PRMT8: variants seen among roughly 807,000 people sequenced by gnomAD.
PRMT8 encodes the protein protein arginine N-methyltransferase 8.
In PRMT8, 7 loss-of-function variants were observed where a neutral mutation model predicts 47.1. That is an observed-to-expected ratio of 0.15 (90% CI 0.08 to 0.28). The LOEUF (loss-of-function observed/expected upper bound fraction) is 0.28. Among genes scored for constraint, PRMT8 ranks in the 10% least tolerant of loss-of-function variants. PRMT8 has a pLI of 1.00. For missense variants in PRMT8, 237 were observed against 505.4 expected, an observed-to-expected ratio of 0.47 and a Z score of 5.09; for synonymous variants, 188 against 186.5, an observed-to-expected ratio of 1.01 and a Z score of -0.07.
rs1175080901 is a variant in PRMT8 at position 3,576,233 on chromosome 12, A to C, written c.713-638A>C. Among the ~76,000 whole-genome samples, 1 of 152,182 alleles carries C rather than the reference A, an allele frequency of 6.6e-6. No individual in the cohort carries two copies. Among genetic ancestry groups the C allele is most frequent in the Non-Finnish European group, 1.5e-5 (1 of 68,024 alleles). On this transcript the variant is annotated intron_variant, in intron 6 of 9. Transcript: ENST00000382622. This position sits in a 1 kb window ranked among gnomAD's most constrained non-coding sequence, Gnocchi z 4.0. ...CCTTAGTGAGTGCATCTTGGCATAC[A>C]AGGAAGGCAGAGATGCTCCTGGACC...
chr12:3,581,031 C>T (rs1444151606), intron 7 of PRMT8, among the ~76,000 whole-genome samples: 1 of 152,170 alleles, frequency 6.6e-6, no homozygotes, highest in Non-Finnish European at 1.5e-5. Context: ...GGACCCCTCC[C>T]CTTGAGGGAT....
At chr12:3,553,570 G>C (rs1156944132) in intron 3 of PRMT8, 81 bp from the exon 4 acceptor site, 5 of 1,215,156 alleles carry the variant, frequency 4.1e-6, no homozygotes, top group Non-Finnish European at 6.1e-6. Context: ...CTGGGCCTCA[G>C]CGTCTCTATC....
At chr12:3,568,957 A>G in intron 5 of PRMT8, 109 bp downstream of exon 5, 3 of 1,436,988 alleles carry the variant, frequency 2.1e-6, no homozygotes, top group Non-Finnish European at 1.9e-6. Flanking sequence ...GACTGAGGCC[A>G]GGAGGTCACT....
At chr12:3,555,324 G>A (rs1866506442) in intron 4 of PRMT8, among the ~76,000 whole-genome samples, 1 of 152,218 alleles carries the variant, frequency 6.6e-6, no homozygotes. Context: ...GCAGGTCACA[G>A]TGAAGCTCAA....
intron 8 of PRMT8, among the ~76,000 whole-genome samples, chr12:3,584,423 T>C (rs1867128762): frequency 6.6e-6 from 1 of 152,172 alleles, no homozygotes; most frequent in Non-Finnish European, 1.5e-5. Context: ...AGCCATCTCT[T>C]CACCTGGTTT....
chr12:3,437,111 A>G (rs1207785173), intron 1 of PRMT8, among the ~76,000 whole-genome samples: 6 of 152,236 alleles, frequency 3.9e-5, no homozygotes, highest in Admixed American at 1.3e-4. Context: ...CTCCTGGGGT[A>G]TCCAACACTG....
At chr12:3,464,564 ACTTATCCT>A (rs1865073036) in intron 1 of PRMT8, among the ~76,000 whole-genome samples, 1 of 152,182 alleles carries the variant, frequency 6.6e-6, no homozygotes, top group Admixed American at 6.5e-5. Flanking sequence ...AATATTTATT[ACTTATCCT>A]GTGCCAAGCT....
At chr12:3,496,210 ATATAT>A (rs1865503149) in intron 1 of PRMT8, among the ~76,000 whole-genome samples, 1 of 10,568 alleles carries the variant, frequency 9.5e-5, no homozygotes, top group Non-Finnish European at 1.9e-4. Flanking sequence ...ATATATATAT[ATATAT>A]TTTTTTTTTT....
chr12:3,589,423 A>G (rs1169510822), intron 8 of PRMT8, among the ~76,000 whole-genome samples: 1 of 152,220 alleles, frequency 6.6e-6, no homozygotes, highest in Non-Finnish European at 1.5e-5. Flanking sequence ...GACACTGGAC[A>G]CGGGGCTATT....
At chr12:3,381,870 C>T (rs1251474708) in intron 1 of PRMT8, among the ~76,000 whole-genome samples, 3 of 152,162 alleles carry the variant, frequency 2.0e-5, no homozygotes, top group Non-Finnish European at 4.4e-5. Context: ...TCCCTCCCAC[C>T]TCCCTAAAAG....
chr12:3,571,488 C>T (rs1362105650), intron 6 of PRMT8, among the ~76,000 whole-genome samples: 1 of 152,172 alleles, frequency 6.6e-6, no homozygotes, highest in East Asian at 1.9e-4. Flanking sequence ...ATACCTGTGT[C>T]AGGAGCCTTT....
At chr12:3,519,795 G>C (rs563114625) in intron 1 of PRMT8, among the ~76,000 whole-genome samples, 10 of 152,236 alleles carry the variant, frequency 6.6e-5, no homozygotes, top group African/African-American at 2.2e-4. Context: ...GGTTGGATGG[G>C]GACTGTGACT....
At chr12:3,419,635 A>G (rs1170707924) in intron 1 of PRMT8, among the ~76,000 whole-genome samples, 4 of 149,620 alleles carry the variant, frequency 2.7e-5, no homozygotes, top group African/African-American at 4.9e-5. Context: ...CCCCGCTACC[A>G]CTCTCTGTCT....
In PRMT8 at chr12:3,576,730, A is replaced by T; in HGVS notation, c.713-141A>T. The T allele has an allele frequency of 1.5e-6, 1 of 674,980 alleles. No homozygotes were observed. The highest frequency in any genetic ancestry group is 2.7e-6 in the Non-Finnish European group (1 of 375,434). 41.8% of individuals were successfully genotyped at this position (674,980 alleles called of 1,614,324 possible). ...GCACATTGCAAAGTGCCCCCAGGTG[A>T]GCAGTTCTGCCTCTATTTCGATGCA... On this transcript the variant is annotated intron_variant, in intron 6 of 9. Coordinates refer to ENST00000382622, the MANE Select transcript of PRMT8 (RefSeq NM_019854.5). This position sits in a 1 kb window ranked among gnomAD's most constrained non-coding sequence, Gnocchi z 4.0.
rs1294404836 is a variant in PRMT8 at position 3,564,203 on chromosome 12, G to A, written c.482-4503G>A. Among the ~76,000 whole-genome samples the A allele has an allele frequency of 1.3e-5, 2 of 152,146 alleles. No individual in the cohort carries two copies. Among genetic ancestry groups the A allele is most frequent in the East Asian group, 1.9e-4 (1 of 5,186 alleles). ...GCTTTGCTGCAGTGGGGTTGGCAGG[G>A]GGGTCAGGGGGCTTCATAGGCTCAT... On this transcript the variant is annotated intron_variant, in intron 4 of 9. Coordinates refer to ENST00000382622, the MANE Select transcript of PRMT8 (RefSeq NM_019854.5). The surrounding 1 kb of genome is among the most constrained non-coding windows in gnomAD (Gnocchi z 4.0).
chr12:3,432,913 A>G (rs1056453748), intron 1 of PRMT8, among the ~76,000 whole-genome samples: 7 of 152,220 alleles, frequency 4.6e-5, no homozygotes, highest in Admixed American at 6.5e-5. Context: ...GGATCGTCCT[A>G]TTCCCAGAAG....
At chr12:3,441,403 C>G (rs1864800069) in intron 1 of PRMT8, among the ~76,000 whole-genome samples, 1 of 152,202 alleles carries the variant, frequency 6.6e-6, no homozygotes, top group Non-Finnish European at 1.5e-5. Flanking sequence ...TCAACGCTGC[C>G]AGGGCTCCCC....
At chr12:3,416,892 C>T (rs1252447700) in intron 1 of PRMT8, among the ~76,000 whole-genome samples, 3 of 152,132 alleles carry the variant, frequency 2.0e-5, no homozygotes, top group Non-Finnish European at 4.4e-5. Flanking sequence ...GGCAGGCTGG[C>T]CTTGAGAACA....
intron 1 of PRMT8, among the ~76,000 whole-genome samples, chr12:3,407,056 G>A (rs893730223): frequency 6.6e-6 from 1 of 152,188 alleles, no homozygotes; most frequent in African/African-American, 2.4e-5. Flanking sequence ...GAGGATTCAG[G>A]AAACTTACAA....
Sources: allele counts gnomAD v4.1 joint callset (sites outside exome capture counted in the v4.1 genomes callset), GRCh38; gene constraint gnomAD v4.1.1; non-coding constraint Gnocchi (gnomAD v3.1); transcripts MANE v1.5; gene names NCBI Gene and HGNC (gene_info 2026-07-23, HGNC 2026-07-21).